Variants in MRTFB observed in about 807,000 individuals in gnomAD.
MRTFB encodes the protein myocardin-related transcription factor B.
Under a neutral mutation model 104.2 loss-of-function variants are expected in MRTFB, and 29 were observed. That is an observed-to-expected ratio of 0.28 (90% confidence interval 0.21 to 0.38). The LOEUF (loss-of-function observed/expected upper bound fraction) is 0.38. Among genes scored for constraint, MRTFB ranks in the 10% least tolerant of loss-of-function variants. MRTFB has a pLI of 1.00. For missense variants in MRTFB, 1,270 were observed against 1,341.6 expected (o/e 0.95, Z 0.83); for synonymous variants, 535 against 519.5 (o/e 1.03, Z -0.41).
At chr16:14,240,012 C>G (rs184151436) in intron 9 of MRTFB, among the ~76,000 whole-genome samples, 1 of 152,298 alleles carries the variant, frequency 6.6e-6, no homozygotes, top group East Asian at 1.9e-4. Flanking sequence ...AGCATCTTGC[C>G]CATACCCTGA....
chr16:14,209,931 C>T (rs751583831), intron 3 of MRTFB, among the ~76,000 whole-genome samples: 5 of 152,098 alleles, frequency 3.3e-5, no homozygotes, highest in Non-Finnish European at 7.4e-5. Flanking sequence ...ATTAGCAAGT[C>T]TTAATATATA....
intron 9 of MRTFB, among the ~76,000 whole-genome samples, chr16:14,234,620 A>G (rs1209737491): frequency 2.6e-5 from 4 of 152,086 alleles, no homozygotes; most frequent in Non-Finnish European, 5.9e-5. Context: ...ATAGCAAGAC[A>G]CTGTCTCTAC....
chr16:14,188,039 TAAG>T (rs765580797), intron 3 of MRTFB, among the ~76,000 whole-genome samples: 2 of 152,156 alleles, frequency 1.3e-5, no homozygotes, highest in African/African-American at 4.8e-5. Flanking sequence ...TTCTAAAAGA[TAAG>T]AAGAAGAAAC....
intron 2 of MRTFB, among the ~76,000 whole-genome samples, chr16:14,118,599 C>A (rs912844549): frequency 2.6e-5 from 4 of 151,492 alleles, no homozygotes; most frequent in African/African-American, 9.7e-5. Context: ...CTCAAGAGTT[C>A]GAGACCGGTC....
chr16:14,170,272 C>G (rs1290157443), intron 3 of MRTFB: 1 of 152,294 alleles, frequency 6.6e-6, no homozygotes, highest in East Asian at 1.9e-4. Context: ...GCCTGCACAA[C>G]ATAGCAAGAC....
chr16:14,131,124 T>G (rs963062645), intron 2 of MRTFB, among the ~76,000 whole-genome samples: 9 of 152,198 alleles, frequency 5.9e-5, no homozygotes, highest in African/African-American at 2.2e-4. Flanking sequence ...TTCATATAAT[T>G]TATTAGTGAT....
intron 2 of MRTFB, among the ~76,000 whole-genome samples, chr16:14,134,949 G>T (rs2037632602): frequency 6.6e-6 from 1 of 152,216 alleles, no homozygotes; most frequent in Non-Finnish European, 1.5e-5. Context: ...GGAAAGTCTA[G>T]ATTAGATTTA....
the MRTFB span, among the ~76,000 whole-genome samples, chr16:14,046,123 T>C: frequency 1.4e-4 from 21 of 152,170 alleles, no homozygotes; most frequent in African/African-American, 4.8e-4. Context: ...AAGGCACTAC[T>C]TACTGTTTCT....
intron 3 of MRTFB, among the ~76,000 whole-genome samples, chr16:14,153,617 A>G (rs2038718008): frequency 1.3e-5 from 2 of 152,222 alleles, no homozygotes; most frequent in Admixed American, 6.5e-5. Flanking sequence ...AACTCATATC[A>G]AGTTAGGACT....
chr16:14,051,163 TAC>T, the MRTFB span, among the ~76,000 whole-genome samples: 3 of 148,578 alleles, frequency 2.0e-5, no homozygotes, highest in African/African-American at 7.5e-5. Flanking sequence ...GACACAACAG[TAC>T]ACACAGACTC....
At chr16:14,080,487 A>G (rs79773104) in intron 2 of MRTFB, among the ~76,000 whole-genome samples, 2,407 of 152,298 alleles carry the variant, frequency 0.016, 53 homozygotes, top group African/African-American at 0.046. Flanking sequence ...TTGTGGTGAG[A>G]ACATTGAACA....
intron 3 of MRTFB, chr16:14,193,884 G>A (rs967880187): frequency 6.6e-6 from 1 of 152,162 alleles, no homozygotes; most frequent in Non-Finnish European, 1.5e-5. Flanking sequence ...CCTCATTAAG[G>A]TGATAATAGT....
At chr16:14,227,132 T>C (rs2042040000) in intron 8 of MRTFB, among the ~76,000 whole-genome samples, 1 of 152,152 alleles carries the variant, frequency 6.6e-6, no homozygotes, top group African/African-American at 2.4e-5. Flanking sequence ...TCAAACCTCA[T>C]GTCAAAATTT....
chr16:14,220,365 A>G (rs757137393), intron 8 of MRTFB, among the ~76,000 whole-genome samples: 2 of 152,240 alleles, frequency 1.3e-5, no homozygotes, highest in Non-Finnish European at 2.9e-5. Flanking sequence ...GTCAGACAGC[A>G]ATTAGCATGG....
intron 2 of MRTFB, among the ~76,000 whole-genome samples, chr16:14,130,601 C>T (rs1300074177): frequency 2.0e-5 from 3 of 152,130 alleles, no homozygotes; most frequent in Admixed American, 6.5e-5. Flanking sequence ...ATACTGTGTA[C>T]GTGAAAATTC....
intron 3 of MRTFB, among the ~76,000 whole-genome samples, chr16:14,149,907 G>T (rs973091523): frequency 1.3e-5 from 2 of 152,232 alleles, no homozygotes; most frequent in Non-Finnish European, 2.9e-5. Context: ...TGCACTAAAT[G>T]TGTGGTGGCA....
chr16:14,113,164 C>T (rs2142186073), intron 2 of MRTFB, among the ~76,000 whole-genome samples: 1 of 152,292 alleles, frequency 6.6e-6, no homozygotes, highest in South Asian at 2.1e-4. Context: ...TCACCTCAAC[C>T]TCCCAAGTAG....
At chr16:14,208,147 C>G (rs1210837193) in intron 3 of MRTFB, among the ~76,000 whole-genome samples, 1 of 152,190 alleles carries the variant, frequency 6.6e-6, no homozygotes, top group Non-Finnish European at 1.5e-5. Context: ...AGGTACCTTT[C>G]TTTCCATGTT....
Position 14,130,803 on chromosome 16 carries a change from G to A in MRTFB, c.-63-9741G>A, listed in dbSNP as rs192540200. ...CTCAGGAAACTTATACAATCATGGC[G>A]GAAGGGGAGCAAACACATCCTTCTT... On this transcript the variant is annotated intron_variant, in intron 2 of 16. Coordinates refer to ENST00000571589, the MANE Select transcript of MRTFB (RefSeq NM_001308142.2). Among the ~76,000 whole-genome samples the A allele has an allele frequency of 3.0e-3, 423 of 139,278 alleles. 1 individual carries two copies. Among genetic ancestry groups the A allele is most frequent in the Non-Finnish European group, 2.0e-3 (135 of 67,538 alleles). 91.4% of individuals were successfully genotyped at this position (139,278 alleles called of 152,430 possible).
Sources: gnomAD v4.1 joint callset for allele counts (sites outside exome capture counted in the v4.1 genomes callset) on GRCh38, gnomAD v4.1.1 for gene constraint, MANE v1.5 for transcripts, NCBI Gene and HGNC (gene_info 2026-07-23, HGNC 2026-07-21) for gene names.